Variants in GPATCH2 observed in about 807,000 individuals in gnomAD.
GPATCH2 encodes the protein G-patch domain containing 2.
A neutral mutation model predicts 58.0 loss-of-function variants in GPATCH2; 51 were observed. The ratio of observed to expected loss-of-function variants is 0.88; its 90% CI spans 0.70 to 1.11. The LOEUF is 1.11. Among genes scored for constraint, GPATCH2 ranks in the 50% most tolerant of loss-of-function variants. The pLI is 0.00. For synonymous variants in GPATCH2, 222 were observed against 218.5 expected, an observed-to-expected ratio of 1.02 and a Z score of -0.14; for missense variants, 625 against 652.2, an observed-to-expected ratio of 0.96 and a Z score of 0.45.
intron 8 of GPATCH2, among the ~76,000 whole-genome samples, chr1:217,458,100 G>T (rs2102483324): frequency 6.6e-6 from 1 of 152,054 alleles, no homozygotes; most frequent in South Asian, 2.1e-4. Context: ...CGTGGTCGCG[G>T]GCGCCTGTAG....
chr1:217,511,424 A>G (rs1662844923), intron 6 of GPATCH2, among the ~76,000 whole-genome samples: 1 of 152,188 alleles, frequency 6.6e-6, no homozygotes, highest in Admixed American at 6.5e-5. Flanking sequence ...GACTCCCTTA[A>G]AACTACTGCT....
chr1:217,551,218 T>G (rs1184011156), intron 5 of GPATCH2, among the ~76,000 whole-genome samples: 2 of 152,028 alleles, frequency 1.3e-5, no homozygotes, highest in African/African-American at 4.8e-5. Context: ...ACAAAGTCTT[T>G]GCTCTTTGTA....
At chr1:217,481,983 T>C (rs1045855348) in intron 8 of GPATCH2, among the ~76,000 whole-genome samples, 1 of 152,216 alleles carries the variant, frequency 6.6e-6, no homozygotes, top group African/African-American at 2.4e-5. Flanking sequence ...TTATTTGTTA[T>C]TGTTTATTCC....
intron 5 of GPATCH2, among the ~76,000 whole-genome samples, chr1:217,593,137 T>C (rs1327865464): frequency 9.2e-5 from 14 of 152,038 alleles, no homozygotes; most frequent in Non-Finnish European, 1.5e-5. Context: ...TGCTAGGTTA[T>C]AGATTTTAAC....
chr1:217,437,075 C>T (rs774260100), intron 9 of GPATCH2, among the ~76,000 whole-genome samples: 4 of 152,098 alleles, frequency 2.6e-5, no homozygotes, highest in East Asian at 1.9e-4. Flanking sequence ...ATGCAGTCCA[C>T]GGAGGGTGAG....
At chr1:217,495,832 C>T (rs1661978044) in intron 7 of GPATCH2, among the ~76,000 whole-genome samples, 1 of 152,012 alleles carries the variant, frequency 6.6e-6, no homozygotes, top group South Asian at 2.1e-4. Context: ...AGTTATTTAA[C>T]AAATGTATAG....
In GPATCH2 at chr1:217,431,343, C is replaced by T. The variant is rs1324562077; in HGVS notation, c.1389G>A (p.Gln463=). 2 of 1,598,700 alleles carry T rather than the reference C, an allele frequency of 1.3e-6. No homozygotes were observed. Among genetic ancestry groups the T allele is most frequent in the African/African-American group, 2.7e-5 (2 of 74,772 alleles). The change falls in exon 10 of 10, where the codon CAG becomes CAA. Residue 463 remains glutamine (Q), a synonymous_variant. Coordinates refer to ENST00000366935, the MANE Select transcript of GPATCH2 (RefSeq NM_018040.5). ...TTAGFVGENA[Q]PILENNIGNR... ...TTCCAATATTATTTTCTAGGATTGGCTGGGCATTTTCACCTACAAATCCTG... is the reference window on the plus strand; with the variant it reads ...TTCCAATATTATTTTCTAGGATTGGTTGGGCATTTTCACCTACAAATCCTG...
intron 5 of GPATCH2, among the ~76,000 whole-genome samples, chr1:217,523,809 C>CT (rs1663623046): frequency 6.8e-6 from 1 of 146,082 alleles, no homozygotes; most frequent in African/African-American, 2.6e-5. Context: ...GGGGCTGACC[C>CT]CCCCACCTCC....
intron 5 of GPATCH2, among the ~76,000 whole-genome samples, chr1:217,530,889 TA>T (rs1664154249): frequency 6.6e-6 from 1 of 152,180 alleles, no homozygotes; most frequent in African/African-American, 2.4e-5. Context: ...TTAGCTATAA[TA>T]ATCGTCTCTA....
In GPATCH2 at chr1:217,476,895, G is replaced by A. The variant is rs929667813; in HGVS notation, c.1277+14785C>T. Reference sequence around the variant, plus strand: ...GCATGCAACATACTGAGACACTAGCGGGGGTGGTTAAGGGAGTGCTAGCAT... The same window carrying A: ...GCATGCAACATACTGAGACACTAGCAGGGGTGGTTAAGGGAGTGCTAGCAT... On this transcript the variant is annotated intron_variant, in intron 8 of 9. Coordinates refer to ENST00000366935, the MANE Select transcript of GPATCH2 (RefSeq NM_018040.5). Among the ~76,000 whole-genome samples the A allele has an allele frequency of 5.3e-5, 8 of 152,242 alleles. No individual in the cohort carries two copies. In the South Asian group the frequency reaches 6.2e-4, roughly 12 times the overall value.
At chr1:217,568,590 G>A (rs1052512822) in intron 5 of GPATCH2, among the ~76,000 whole-genome samples, 6 of 152,196 alleles carry the variant, frequency 3.9e-5, no homozygotes, top group African/African-American at 1.4e-4. Context: ...TGCACGCAAT[G>A]GAACAACATT....
At chr1:217,476,865 C>T (rs1306422972) in intron 8 of GPATCH2, among the ~76,000 whole-genome samples, 2 of 152,008 alleles carry the variant, frequency 1.3e-5, no homozygotes, top group Admixed American at 6.6e-5. Flanking sequence ...TAGTTGACTG[C>T]GGGGGCATGC....
At chr1:217,607,924 C>A (rs1471077705) in intron 5 of GPATCH2, among the ~76,000 whole-genome samples, 2 of 152,112 alleles carry the variant, frequency 1.3e-5, no homozygotes, top group East Asian at 3.8e-4. Context: ...TGGGTTGCAG[C>A]TCCATGTGTT....
chr1:217,609,440 G>A, intron 5 of GPATCH2: 1 of 984,472 alleles, frequency 1.0e-6, no homozygotes, highest in Non-Finnish European at 1.2e-6. Flanking sequence ...TAATTTAAAA[G>A]GTAAATGATT....
At chr1:217,437,202 A>G (rs1658878471) in intron 9 of GPATCH2, among the ~76,000 whole-genome samples, 1 of 152,238 alleles carries the variant, frequency 6.6e-6, no homozygotes, top group Non-Finnish European at 1.5e-5. Flanking sequence ...ACTCCAGCCC[A>G]GATACTACGC....
intron 5 of GPATCH2, among the ~76,000 whole-genome samples, chr1:217,537,518 T>A (rs1048391556): frequency 1.3e-5 from 2 of 152,124 alleles, no homozygotes; most frequent in Admixed American, 1.3e-4. Flanking sequence ...TAAAACCCTG[T>A]CTCTCCTAAC....
intron 5 of GPATCH2, among the ~76,000 whole-genome samples, chr1:217,518,612 C>A (rs541788774): frequency 6.6e-6 from 1 of 152,090 alleles, no homozygotes; most frequent in East Asian, 1.9e-4. Context: ...ACAAGAGTCA[C>A]GTAAGATTAA....
chr1:217,559,903 C>A (rs1665836622), intron 5 of GPATCH2, among the ~76,000 whole-genome samples: 1 of 149,810 alleles, frequency 6.7e-6, no homozygotes, highest in East Asian at 2.0e-4. Flanking sequence ...AGAGAGAGGT[C>A]TATACCCCTC....
At chr1:217,566,303 G>A (rs946306127) in intron 5 of GPATCH2, among the ~76,000 whole-genome samples, 1 of 152,108 alleles carries the variant, frequency 6.6e-6, no homozygotes, top group Non-Finnish European at 1.5e-5. Flanking sequence ...ATATTGAAAA[G>A]TTAAAACTTC....
Sources: gnomAD v4.1 joint callset for allele counts (sites outside exome capture counted in the v4.1 genomes callset) on GRCh38, gnomAD v4.1.1 for gene constraint, MANE v1.5 for transcripts, NCBI Gene and HGNC (gene_info 2026-07-23, HGNC 2026-07-21) for gene names.